Variants in BIRC6 observed in about 807,000 individuals in gnomAD.
BIRC6 encodes dual E2 ubiquitin-conjugating enzyme/E3 ubiquitin-protein ligase BIRC6.
A neutral mutation model predicts 503.3 loss-of-function variants in BIRC6; 98 were observed. The observed-to-expected ratio is 0.19, with a 90% confidence interval of 0.17 to 0.23. BIRC6 has a LOEUF of 0.23. BIRC6 is among the 10% of genes least tolerant of loss of function. The pLI is 1.00. For synonymous variants in BIRC6, 2,240 were observed against 2,078.7 expected, an observed-to-expected ratio of 1.08 and a Z score of -2.11; for missense variants, 5,360 against 5,806.0, an observed-to-expected ratio of 0.92 and a Z score of 2.50.
At chr2:32,578,354 C>T (rs2060406237) in intron 66 of BIRC6, among the ~76,000 whole-genome samples, 1 of 152,132 alleles carries the variant, frequency 6.6e-6, no homozygotes, top group African/African-American at 2.4e-5. Context: ...CCCCACCCCA[C>T]CTGTCTGCCT....
chr2:32,427,244 C>T (rs374219512), intron 10 of BIRC6, among the ~76,000 whole-genome samples: 1 of 151,858 alleles, frequency 6.6e-6, no homozygotes, highest in Non-Finnish European at 1.5e-5. Flanking sequence ...AATATTTTAT[C>T]TGTCCTGTAG....
At chr2:32,482,373 G>A (rs2050504074) in intron 38 of BIRC6, 56 bp from the exon 39 acceptor site, 24 of 1,544,968 alleles carry the variant, frequency 1.6e-5, no homozygotes, top group African/African-American at 4.1e-5. Context: ...TGTAAATAAC[G>A]TGTCATTCAG....
intron 1 of BIRC6, among the ~76,000 whole-genome samples, chr2:32,368,123 C>A (rs550714944): frequency 2.6e-5 from 4 of 152,234 alleles, no homozygotes; most frequent in African/African-American, 7.2e-5. Context: ...TAAGAAAATA[C>A]CTCGCTTGGG....
chr2:32,572,661 A>C (rs2150985285), intron 65 of BIRC6, among the ~76,000 whole-genome samples: 1 of 152,292 alleles, frequency 6.6e-6, no homozygotes, highest in Non-Finnish European at 1.5e-5. Flanking sequence ...ATAATACTAT[A>C]AAATTATAGT....
chr2:32,513,428 A>T (rs1237220654), intron 54 of BIRC6, among the ~76,000 whole-genome samples: 1 of 152,172 alleles, frequency 6.6e-6, no homozygotes, highest in South Asian at 2.1e-4. Context: ...TCTCAGTTGC[A>T]AATTTTCCCA....
Position 32,618,523 on chromosome 2 carries a change from A to G in BIRC6, c.*619A>G, listed in dbSNP as rs1177262835. Reference sequence around the variant, plus strand: ...TATGGATGAATTTATTACATTCAACATATTTAATTTTATGCCTTCTAATTC... The same window carrying G: ...TATGGATGAATTTATTACATTCAACGTATTTAATTTTATGCCTTCTAATTC... On this transcript the variant is annotated 3_prime_UTR_variant, in exon 74 of 74. Coordinates refer to ENST00000421745, the MANE Select transcript of BIRC6 (RefSeq NM_016252.4). 1 of 152,586 alleles carries G rather than the reference A, an allele frequency of 6.6e-6. No individual in the cohort carries two copies. Among genetic ancestry groups the G allele is most frequent in the Non-Finnish European group, 1.5e-5 (1 of 68,000 alleles). The allele number at this position is 152,586 out of a possible 1,614,324, so 9.5% of individuals were successfully genotyped here.
At chr2:32,375,753 T>C (rs2036670531) in intron 1 of BIRC6, among the ~76,000 whole-genome samples, 1 of 151,938 alleles carries the variant, frequency 6.6e-6, no homozygotes, top group Non-Finnish European at 1.5e-5. Flanking sequence ...CTTTTTTTTT[T>C]TTTTTGCAAT....
At chr2:32,532,280 G>A (rs758207215) in intron 61 of BIRC6, 6 of 491,452 alleles carry the variant, frequency 1.2e-5, no homozygotes, top group Non-Finnish European at 2.5e-5. Flanking sequence ...CTCAATAGTT[G>A]AGGAGGCTGT....
At chr2:32,409,922 C>G (rs2041665601) in intron 9 of BIRC6, among the ~76,000 whole-genome samples, 1 of 152,176 alleles carries the variant, frequency 6.6e-6, no homozygotes, top group African/African-American at 2.4e-5. Flanking sequence ...TGTCACCCTT[C>G]TGAGTAGAAT....
chr2:32,501,646 C>A, intron 46 of BIRC6, 67 bp from the exon 47 acceptor site: 2 of 1,358,042 alleles, frequency 1.5e-6, no homozygotes, highest in Admixed American at 2.4e-5. Flanking sequence ...GTTGAGATTA[C>A]AGGCATGAGC....
chr2:32,423,272 T>A (rs898859123), intron 10 of BIRC6, among the ~76,000 whole-genome samples: 6 of 152,116 alleles, frequency 3.9e-5, no homozygotes, highest in African/African-American at 1.2e-4. Flanking sequence ...GGGTCATGGG[T>A]TATAATTTTT....
At chr2:32,418,482 A>G (rs1558670854) in intron 10 of BIRC6, among the ~76,000 whole-genome samples, 1 of 152,230 alleles carries the variant, frequency 6.6e-6, no homozygotes, top group Non-Finnish European at 1.5e-5. Flanking sequence ...TTTAAATGGC[A>G]TTATACTGCC....
intron 1 of BIRC6, among the ~76,000 whole-genome samples, chr2:32,370,721 ATAG>A (rs1190630001): frequency 2.6e-5 from 4 of 152,160 alleles, no homozygotes; most frequent in African/African-American, 9.7e-5. Flanking sequence ...TTGTGGGTAC[ATAG>A]TAGGTGTATA....
intron 15 of BIRC6, among the ~76,000 whole-genome samples, chr2:32,438,840 G>A (rs1305733169): frequency 2.6e-5 from 4 of 152,130 alleles, no homozygotes; most frequent in African/African-American, 7.2e-5. Flanking sequence ...GATTACAGGC[G>A]TGAGCCACTG....
At chr2:32,371,790 A>C (rs2035996675) in intron 1 of BIRC6, among the ~76,000 whole-genome samples, 1 of 151,764 alleles carries the variant, frequency 6.6e-6, no homozygotes, top group South Asian at 2.1e-4. Flanking sequence ...CTCCATGTGT[A>C]CATGTTTATT....
In BIRC6 at chr2:32,465,135, A is replaced by G; in HGVS notation, c.5327A>G (p.Gln1776Arg). The G allele has an allele frequency of 6.3e-7, 1 of 1,594,802 alleles. No individual in the cohort carries two copies. The highest frequency in any genetic ancestry group is 8.6e-7 in the Non-Finnish European group (1 of 1,169,212). The change falls in exon 26 of 74, where the codon CAG (glutamine) becomes CGG (arginine). Residue 1776 changes from glutamine to arginine, a missense_variant. Gln to Arg is a conservative substitution (Grantham distance 43). Coordinates refer to ENST00000421745, the MANE Select transcript of BIRC6 (RefSeq NM_016252.4). Reference protein sequence around the residue: ...ASHFLQPPPHQSIIIERMHSG... With the variant: ...ASHFLQPPPHRSIIIERMHSG... Reference sequence around the variant, plus strand: ...CATTTTCTTCAACCTCCGCCTCACCAGTCCATTATTATAGAGCGAATGCAT... The same window carrying G: ...CATTTTCTTCAACCTCCGCCTCACCGGTCCATTATTATAGAGCGAATGCAT...
intron 34 of BIRC6, among the ~76,000 whole-genome samples, chr2:32,476,566 G>A (rs750609236): frequency 6.6e-5 from 10 of 152,074 alleles, no homozygotes; most frequent in Non-Finnish European, 1.3e-4. Context: ...TTGAGTTCCA[G>A]TAAATTGAAG....
At chr2:32,584,243 T>G (rs1446067897) in intron 66 of BIRC6, among the ~76,000 whole-genome samples, 1 of 151,908 alleles carries the variant, frequency 6.6e-6, no homozygotes, top group East Asian at 1.9e-4. Context: ...TAAAAAAATT[T>G]TTTTGGCTGG....
chr2:32,598,900 A>G (rs1469898128), intron 69 of BIRC6, among the ~76,000 whole-genome samples: 8 of 151,704 alleles, frequency 5.3e-5, no homozygotes, highest in Admixed American at 4.6e-4. Context: ...GCAGGCACCT[A>G]TAATCCCAGT....
Sources: allele counts gnomAD v4.1 joint callset (sites outside exome capture counted in the v4.1 genomes callset), GRCh38; gene constraint gnomAD v4.1.1; transcripts MANE v1.5; gene names NCBI Gene and HGNC (gene_info 2026-07-23, HGNC 2026-07-21).